Variants in GNAI1 observed in about 807,000 individuals in gnomAD.
GNAI1 encodes the protein G protein subunit alpha i1.
In GNAI1, 11 loss-of-function variants were observed where a neutral mutation model predicts 38.9. The observed-to-expected ratio is 0.28, with a 90% confidence interval of 0.18 to 0.47. The LOEUF (loss-of-function observed/expected upper bound fraction) is 0.47. GNAI1 is among the 20% of genes least tolerant of loss of function. GNAI1 has a pLI of 0.99. For synonymous variants in GNAI1, 166 were observed against 145.1 expected (o/e 1.14, Z -1.04); for missense variants, 317 against 436.9 (o/e 0.73, Z 2.45).
At chr7:80,138,810 C>A (rs1309192007) in intron 1 of GNAI1, among the ~76,000 whole-genome samples, 1 of 152,088 alleles carries the variant, frequency 6.6e-6, no homozygotes, top group Non-Finnish European at 1.5e-5. Flanking sequence ...AAATTCCACA[C>A]CCTTGTCTCC....
chr7:80,165,643 G>A (rs1788000020), intron 1 of GNAI1, among the ~76,000 whole-genome samples: 1 of 152,006 alleles, frequency 6.6e-6, no homozygotes, highest in South Asian at 2.1e-4. Context: ...AACATACTGT[G>A]CATTTATTTT....
At chr7:80,188,141 C>T (rs1788419619) in intron 1 of GNAI1, among the ~76,000 whole-genome samples, 1 of 152,124 alleles carries the variant, frequency 6.6e-6, no homozygotes, top group African/African-American at 2.4e-5. Flanking sequence ...CATGTTAGTT[C>T]TGTATTAGGT....
chr7:80,146,808 CTT>C (rs1246729321), intron 1 of GNAI1, among the ~76,000 whole-genome samples: 1 of 152,196 alleles, frequency 6.6e-6, no homozygotes, highest in African/African-American at 2.4e-5. Context: ...AAACCTATCA[CTT>C]TATCAGTAAG....
chr7:80,140,186 G>A (rs1417357989), intron 1 of GNAI1, among the ~76,000 whole-genome samples: 1 of 151,858 alleles, frequency 6.6e-6, no homozygotes, highest in African/African-American at 2.4e-5. Context: ...GGGTTTCACC[G>A]TGTTAGCCCG....
At chr7:80,154,178 C>A in intron 1 of GNAI1, among the ~76,000 whole-genome samples, 1 of 152,152 alleles carries the variant, frequency 6.6e-6, no homozygotes, top group African/African-American at 2.4e-5. Context: ...CCACCTTGGC[C>A]TTCCAAAGTG....
chr7:80,135,306 G>A, intron 1 of GNAI1, 28 bp downstream of exon 1: 2 of 1,283,954 alleles, frequency 1.6e-6, no homozygotes, highest in Non-Finnish European at 2.1e-6. Flanking sequence ...GGGGCCCGGG[G>A]GTCGGCGGGG....
At chr7:80,176,845 G>A (rs1788189513) in intron 1 of GNAI1, among the ~76,000 whole-genome samples, 1 of 149,546 alleles carries the variant, frequency 6.7e-6, no homozygotes, top group South Asian at 2.1e-4. Flanking sequence ...GCTGAGGCAG[G>A]AGAATCTCTT....
chr7:80,168,941 TTA>T (rs1420486704), intron 1 of GNAI1, among the ~76,000 whole-genome samples: 1 of 152,238 alleles, frequency 6.6e-6, no homozygotes, highest in Non-Finnish European at 1.5e-5. Flanking sequence ...GACTGTCTTT[TTA>T]TGTTACAGGA....
intron 6 of GNAI1, among the ~76,000 whole-genome samples, chr7:80,211,341 A>G (rs1788869603): frequency 6.6e-6 from 1 of 152,170 alleles, no homozygotes; most frequent in South Asian, 2.1e-4. Context: ...TAATATCAAC[A>G]TAGCACATGG....
chr7:80,149,590 A>G (rs778290556), intron 1 of GNAI1, among the ~76,000 whole-genome samples: 6 of 152,118 alleles, frequency 3.9e-5, no homozygotes, highest in Non-Finnish European at 5.9e-5. Flanking sequence ...GCTGAGGGGC[A>G]GTAGAAGGAC....
intron 3 of GNAI1, among the ~76,000 whole-genome samples, chr7:80,197,632 T>C (rs920498275): frequency 9.2e-5 from 14 of 152,078 alleles, no homozygotes; most frequent in African/African-American, 3.4e-4. Flanking sequence ...GGAATTAGAC[T>C]AATGGTGCAA....
chr7:80,203,858 T>C, intron 5 of GNAI1, 26 bp downstream of exon 5: 1 of 1,326,162 alleles, frequency 7.5e-7, no homozygotes, highest in Non-Finnish European at 1.1e-6. Context: ...ATATATGATT[T>C]CTAAATTTAG....
In GNAI1 at chr7:80,163,852, A is replaced by G. The variant is rs561759910; in HGVS notation, c.119-25099A>G. Among the ~76,000 whole-genome samples, 27 of 152,244 alleles carry G rather than the reference A, an allele frequency of 1.8e-4. No individual in the cohort carries two copies. In the Middle Eastern group the frequency reaches 0.024, roughly 134 times the overall value. ...ATTGTAAAAGCATCACTGAGATTAC[A>G]CTGCTCTAGGCCTCAGATATGGTCC... On this transcript the variant is annotated intron_variant, in intron 1 of 7. Coordinates refer to ENST00000649796, the MANE Select transcript of GNAI1 (RefSeq NM_002069.6).
intron 1 of GNAI1, among the ~76,000 whole-genome samples, chr7:80,137,586 C>G (rs1254712392): frequency 2.6e-5 from 4 of 152,308 alleles, no homozygotes; most frequent in Admixed American, 1.3e-4. Context: ...TCCCGAAGTT[C>G]TGGGATTACA....
chr7:80,201,093 A>G (rs1788678686), intron 4 of GNAI1, among the ~76,000 whole-genome samples: 1 of 152,222 alleles, frequency 6.6e-6, no homozygotes, highest in East Asian at 1.9e-4. Context: ...ATCACCCAAT[A>G]TGATCTTGTT....
chr7:80,156,579 C>T (rs1239554569), intron 1 of GNAI1, among the ~76,000 whole-genome samples: 1 of 152,044 alleles, frequency 6.6e-6, no homozygotes, highest in African/African-American at 2.4e-5. Flanking sequence ...CAGGTACATG[C>T]CACCATTCCC....
chr7:80,189,361 GT>G, intron 3 of GNAI1, 130 bp downstream of exon 3: 1 of 761,618 alleles, frequency 1.3e-6, no homozygotes. Context: ...AAGGATAGAA[GT>G]GAGTGAAATG....
At position 80,180,498 on chromosome 7, in the gene GNAI1, A is replaced by G. The variant is rs77003826; in HGVS notation, c.119-8453A>G. ...AATTTTCCCACATCTTTTTCTACCT[A>G]AAATTCTGTAGCTTTCTTTTGTGCA... On this transcript the variant is annotated intron_variant, in intron 1 of 7. Transcript: ENST00000649796. Among the ~76,000 whole-genome samples, 883 of 152,254 alleles carry G rather than the reference A, an allele frequency of 5.8e-3. 5 individuals are homozygous for G. The highest frequency in any genetic ancestry group is 0.019 in the African/African-American group (801 of 41,544).
rs550785958 is a variant in GNAI1, at chr7:80,219,143, C to T, written c.*1650C>T. On this transcript the variant is annotated 3_prime_UTR_variant, in exon 8 of 8. Transcript: ENST00000649796. ...AAGAAATTCAAAGTTATCAAAGTTC[C>T]TTAAATGTGTTAGTTTAGATTCTTT... 1 of 151,360 alleles carries T rather than the reference C, an allele frequency of 6.6e-6. No homozygotes were observed. The highest frequency in any genetic ancestry group is 2.1e-4 in the South Asian group (1 of 4,742). 9.4% of individuals were successfully genotyped at this position (151,360 alleles called of 1,614,324 possible).
Sources: allele counts gnomAD v4.1 joint callset (sites outside exome capture counted in the v4.1 genomes callset), GRCh38; gene constraint gnomAD v4.1.1; transcripts MANE v1.5; gene names NCBI Gene and HGNC (gene_info 2026-07-23, HGNC 2026-07-21).